Variants in DDI2 observed in about 807,000 individuals in gnomAD.
The protein encoded by DDI2 is protein DDI1 homolog 2.
A neutral mutation model predicts 48.1 loss-of-function variants in DDI2; 5 were observed. That is an observed-to-expected ratio of 0.10 (90% CI 0.05 to 0.22). The LOEUF (loss-of-function observed/expected upper bound fraction) is 0.22, where lower values mean the gene tolerates loss of function less well. Among genes scored for constraint, DDI2 ranks in the 10% least tolerant of loss-of-function variants. The pLI, the probability that DDI2 is intolerant of heterozygous loss-of-function variation, is 1.00. For missense variants in DDI2, 285 were observed against 506.2 expected (o/e 0.56, Z 4.19); for synonymous variants, 205 against 183.6 (o/e 1.12, Z -0.94).
At chr1:15,640,244 G>A (rs1639986791) in intron 5 of DDI2, among the ~76,000 whole-genome samples, 1 of 152,116 alleles carries the variant, frequency 6.6e-6, no homozygotes, top group Non-Finnish European at 1.5e-5. Context: ...TCCTTATTGT[G>A]TGCCAAGCAC....
chr1:15,661,793 C>T lies in DDI2; in HGVS notation c.*2003C>T, dbSNP rs1315059229. 8.7e-6 allele frequency: 13 copies of T among 1,491,286 alleles called. No individual in the cohort carries two copies. Among genetic ancestry groups the T allele is most frequent in the African/African-American group, 4.2e-5 (3 of 71,024 alleles). 92.4% of individuals were successfully genotyped at this position (1,491,286 alleles called of 1,614,324 possible). A position where few individuals can be genotyped will look rare whatever the true frequency, so the allele number is the denominator to read the frequency against. ...AGAAAGCTCTCTCTATATACACGCA[C>T]ACATACACACTCACCACATATACAG... On this transcript the variant is annotated 3_prime_UTR_variant, in exon 10 of 10. Coordinates refer to ENST00000480945, the MANE Select transcript of DDI2 (RefSeq NM_032341.5).
rs182144286 is a variant in DDI2, at chr1:15,629,824, C to T, written c.269-501C>T. 8.8e-3 allele frequency among the ~76,000 whole-genome samples: 1,332 copies of T among 151,598 alleles called. 18 individuals are homozygous for T. Among genetic ancestry groups the T allele is most frequent in the African/African-American group, 0.029 (1,210 of 41,326 alleles). On this transcript the variant is annotated intron_variant, in intron 2 of 9. Coordinates refer to ENST00000480945, the MANE Select transcript of DDI2 (RefSeq NM_032341.5). ...TCGGCTCACTGCAACCTCCACCTCC[C>T]GGGTTCAGGTGATTCTTCTGCCTCA...
rs1379751584 is a variant in DDI2, at chr1:15,661,854, G to A, written c.*2064G>A. ...AACCTGCAAGCAGAATGTTGAGCCA[G>A]ATTTTTTTTAAAGATTTTTTTCGGC... is the stretch of plus-strand genomic sequence containing the variant. On this transcript the variant is annotated 3_prime_UTR_variant, in exon 10 of 10. Coordinates refer to ENST00000480945, the MANE Select transcript of DDI2 (RefSeq NM_032341.5). 1.6e-6 allele frequency: 2 copies of A among 1,252,944 alleles called. No individual in the cohort carries two copies. Among genetic ancestry groups the A allele is most frequent in the East Asian group, 2.9e-5 (1 of 34,840 alleles). The allele number at this position is 1,252,944 out of a possible 1,614,324, so 77.6% of individuals were successfully genotyped here.
At position 15,638,407 on chromosome 1, in the gene DDI2, C is replaced by T. The variant is rs746015730; in HGVS notation, c.733C>T (p.His245Tyr). The T allele has an allele frequency of 5.0e-6, 8 of 1,613,570 alleles. No homozygotes were observed. The highest frequency in any genetic ancestry group is 6.8e-6 in the Non-Finnish European group (8 of 1,179,830). Residue 245 changes from histidine to tyrosine, a missense_variant, in exon 5 of 10, where the codon CAT becomes TAT. By Grantham distance (83) the His-to-Tyr change is moderately conservative. Around this residue, in one of 3 missense-constraint regions of DDI2, gnomAD observed 70 missense variants for 182.3 expected, o/e 0.38. Transcript: ENST00000480945. ...MLYINCKVNG[H>Y]PVKAFVDSGA... ...TTATATTAACTGCAAAGTGAATGGA[C>T]ATCCTGTGAAAGCCTTTGTTGACTC...
At chr1:15,619,484 G>A (rs1639621429) in intron 1 of DDI2, among the ~76,000 whole-genome samples, 1 of 135,974 alleles carries the variant, frequency 7.4e-6, no homozygotes, top group Non-Finnish European at 1.6e-5. Context: ...TTTTTTTTTC[G>A]AGACGGAGTC....
intron 1 of DDI2, among the ~76,000 whole-genome samples, chr1:15,620,961 TGA>T: frequency 6.6e-6 from 1 of 152,382 alleles, no homozygotes; most frequent in South Asian, 2.1e-4. Context: ...GTCTTTCACC[TGA>T]GTGTCAATTG....
intron 3 of DDI2, among the ~76,000 whole-genome samples, chr1:15,632,244 C>T (rs963517497): frequency 1.8e-4 from 27 of 152,146 alleles, no homozygotes; most frequent in African/African-American, 6.5e-4. Context: ...GATGATGGGG[C>T]ATTTAAGTTT....
rs1446581663 is a variant in DDI2 at position 15,623,571 on chromosome 1, T to TCTTCTTCTTC, written c.139-3098_139-3097insCTTCTTCTTC. Among the ~76,000 whole-genome samples, 11 of 151,130 alleles carry TCTTCTTCTTC rather than the reference T, an allele frequency of 7.3e-5. 1 individual carries two copies. Among genetic ancestry groups the TCTTCTTCTTC allele is most frequent in the Middle Eastern group, 6.8e-3 (2 of 294 alleles). ...ACCATGCCTGGCTTATTATTATTAT[T>TCTTCTTCTTC]ATTATTATTATTTTAGAGATGGGGT... On this transcript the variant is annotated intron_variant, in intron 1 of 9. Coordinates refer to ENST00000480945, the MANE Select transcript of DDI2 (RefSeq NM_032341.5).
intron 1 of DDI2, among the ~76,000 whole-genome samples, chr1:15,623,541 A>G (rs1443389236): frequency 1.9e-5 from 2 of 105,022 alleles, no homozygotes; most frequent in African/African-American, 1.0e-4. Context: ...CTACAGGCAT[A>G]TGCTACCATG....
chr1:15,667,828 T>C lies in DDI2; in HGVS notation c.*8038T>C, dbSNP rs1028544248. The C allele has an allele frequency of 6.6e-6, 1 of 152,310 alleles. No individual in the cohort carries two copies. Among genetic ancestry groups the C allele is most frequent in the African/African-American group, 2.4e-5 (1 of 41,556 alleles). The allele number at this position is 152,310 out of a possible 1,614,324, so 9.4% of individuals were successfully genotyped here. A position where few individuals can be genotyped will look rare whatever the true frequency, so the allele number is the denominator to read the frequency against. The stretch of plus-strand genomic sequence containing the variant: ...AGGTTTATCAGTTATGTATTGATGA[T>C]TGGTAATCTAGACCCTCTGGAGGCT... On this transcript the variant is annotated 3_prime_UTR_variant, in exon 10 of 10. Coordinates refer to ENST00000480945, the MANE Select transcript of DDI2 (RefSeq NM_032341.5).
intron 6 of DDI2, among the ~76,000 whole-genome samples, chr1:15,648,925 A>G (rs1436221692): frequency 6.6e-6 from 1 of 151,820 alleles, no homozygotes; most frequent in Non-Finnish European, 1.5e-5. Context: ...TTGTGTAAGG[A>G]AGGAGTTCTT....
Position 15,665,388 on chromosome 1 carries a change from C to T in DDI2, c.*5598C>T, listed in dbSNP as rs1640437989. 2 of 151,860 alleles carry T rather than the reference C, an allele frequency of 1.3e-5. No individual in the cohort carries two copies. Among genetic ancestry groups the T allele is most frequent in the Admixed American group, 1.3e-4 (2 of 15,262 alleles). The allele number at this position is 151,860 out of a possible 1,614,324, so 9.4% of individuals were successfully genotyped here. A position where few individuals can be genotyped will look rare whatever the true frequency, so the allele number is the denominator to read the frequency against. On this transcript the variant is annotated 3_prime_UTR_variant, in exon 10 of 10. Coordinates refer to ENST00000480945, the MANE Select transcript of DDI2 (RefSeq NM_032341.5). ...CTAGAGCTCCCTGTCTTCATATGTA[C>T]TAAAGGGAGACACAACCCTATGTGT...
At chr1:15,636,433 TTTTG>T (rs911866886) in intron 4 of DDI2, among the ~76,000 whole-genome samples, 3 of 152,052 alleles carry the variant, frequency 2.0e-5, no homozygotes, top group Admixed American at 6.6e-5. Flanking sequence ...GAGGTTTATT[TTTTG>T]TTTGTTTGTT....
At chr1:15,641,782 C>T (rs1640012648) in intron 5 of DDI2, among the ~76,000 whole-genome samples, 1 of 151,790 alleles carries the variant, frequency 6.6e-6, no homozygotes, top group African/African-American at 2.4e-5. Flanking sequence ...TGCTGAAGCC[C>T]CATCTCTACT....
intron 6 of DDI2, among the ~76,000 whole-genome samples, chr1:15,647,320 G>T (rs1237344244): frequency 6.6e-6 from 1 of 151,656 alleles, no homozygotes; most frequent in Non-Finnish European, 1.5e-5. Flanking sequence ...GGTAATTTTT[G>T]GATTTTTAGT....
chr1:15,653,790 C>T (rs1570989542), intron 8 of DDI2, among the ~76,000 whole-genome samples: 1 of 152,288 alleles, frequency 6.6e-6, no homozygotes, highest in East Asian at 1.9e-4. Context: ...AGACACCATG[C>T]CTGACCAGCA....
At position 15,661,265 on chromosome 1, in the gene DDI2, C is replaced by G; in HGVS notation, c.*1475C>G. ...GAAGGTGTCCCCAAATCTAGGGAATCCATAAATAAGAACCGTTCTGTCACT... is the reference window on the plus strand; with the variant it reads ...GAAGGTGTCCCCAAATCTAGGGAATGCATAAATAAGAACCGTTCTGTCACT... On this transcript the variant is annotated 3_prime_UTR_variant, in exon 10 of 10. Coordinates refer to ENST00000480945, the MANE Select transcript of DDI2 (RefSeq NM_032341.5). 1 of 1,614,126 alleles carries G rather than the reference C, an allele frequency of 6.2e-7. No individual in the cohort carries two copies. Among genetic ancestry groups the G allele is most frequent in the Non-Finnish European group, 8.5e-7 (1 of 1,180,000 alleles).
At chr1:15,658,932 A>G (rs919528532) in intron 9 of DDI2, among the ~76,000 whole-genome samples, 3 of 152,158 alleles carry the variant, frequency 2.0e-5, no homozygotes, top group Admixed American at 6.6e-5. Flanking sequence ...TTGAAAAACT[A>G]TTAATGAACC....
chr1:15,654,572 C>T (rs1640242150), intron 8 of DDI2, among the ~76,000 whole-genome samples: 1 of 151,652 alleles, frequency 6.6e-6, no homozygotes, highest in African/African-American at 2.4e-5. Flanking sequence ...GGGAGGATCA[C>T]CTAAGCCCAG....
Sources: gnomAD v4.1 joint callset for allele counts (sites outside exome capture counted in the v4.1 genomes callset) on GRCh38, gnomAD v4.1.1 for gene constraint, gnomAD v4.1.1 regional missense constraint, MANE v1.5 for transcripts, NCBI Gene and HGNC (gene_info 2026-07-23, HGNC 2026-07-21) for gene names.